The following PACRG variants were observed in gnomAD, a reference collection of about 807,000 sequenced individuals.
The protein encoded by PACRG is parkin coregulated gene protein.
In PACRG, 29 loss-of-function variants were observed where a neutral mutation model predicts 29.7. That is an observed-to-expected ratio of 0.98 (90% confidence interval 0.73 to 1.33). The LOEUF is 1.33. Among genes scored for constraint, PACRG ranks in the 40% most tolerant of loss-of-function variants. The pLI is 0.00. For missense variants in PACRG, 279 were observed against 316.2 expected, an observed-to-expected ratio of 0.88 and a Z score of 0.89; for synonymous variants, 116 against 118.7, an observed-to-expected ratio of 0.98 and a Z score of 0.15.
chr6:162,830,593 G>A (rs539660050), intron 2 of PACRG, among the ~76,000 whole-genome samples: 1 of 152,340 alleles, frequency 6.6e-6, no homozygotes, highest in Admixed American at 6.5e-5. Flanking sequence ...AAAACACTGG[G>A]ATAAGAAAGA....
At chr6:163,231,739 T>A (rs1007717746) in intron 4 of PACRG, among the ~76,000 whole-genome samples, 1 of 152,124 alleles carries the variant, frequency 6.6e-6, no homozygotes, top group Non-Finnish European at 1.5e-5. Context: ...CCCTTATCCA[T>A]GAGCTTGCAT....
At chr6:162,832,290 T>G (rs185299165) in intron 2 of PACRG, among the ~76,000 whole-genome samples, 1 of 152,328 alleles carries the variant, frequency 6.6e-6, no homozygotes, top group East Asian at 1.9e-4. Context: ...TTTTCATGTT[T>G]CTTGGCCACA....
intron 2 of PACRG, among the ~76,000 whole-genome samples, chr6:162,894,514 G>C (rs1795019599): frequency 1.3e-5 from 2 of 152,160 alleles, no homozygotes; most frequent in Admixed American, 1.3e-4. Context: ...GATGAAAAAA[G>C]GCAGTCAGGT....
intron 4 of PACRG, among the ~76,000 whole-genome samples, chr6:163,264,071 A>C (rs1319186123): frequency 2.0e-5 from 3 of 152,212 alleles, no homozygotes; most frequent in Non-Finnish European, 4.4e-5. Flanking sequence ...CAAGAGAAGG[A>C]AACTTGCCCC....
intron 4 of PACRG, among the ~76,000 whole-genome samples, chr6:163,186,492 G>C (rs945984332): frequency 1.3e-5 from 2 of 152,082 alleles, no homozygotes; most frequent in Non-Finnish European, 2.9e-5. Flanking sequence ...CTCAGCATGG[G>C]GCCAGTGTGG....
chr6:162,908,845 G>A (rs1033372348), intron 2 of PACRG, among the ~76,000 whole-genome samples: 2 of 152,110 alleles, frequency 1.3e-5, no homozygotes, highest in African/African-American at 4.8e-5. Flanking sequence ...AGGAAGCATG[G>A]CACCATTAGT....
chr6:162,939,600 T>C (rs1798472606), intron 2 of PACRG, among the ~76,000 whole-genome samples: 2 of 152,048 alleles, frequency 1.3e-5, no homozygotes, highest in South Asian at 4.1e-4. Flanking sequence ...TCATCTCTCC[T>C]ATCTTTTTTC....
At chr6:162,976,935 A>G (rs529517040) in intron 2 of PACRG, among the ~76,000 whole-genome samples, 13 of 152,266 alleles carry the variant, frequency 8.5e-5, no homozygotes, top group African/African-American at 3.1e-4. Context: ...TTTTCTTTAT[A>G]GTATTGATAA....
chr6:163,244,514 T>C (rs758751014), intron 4 of PACRG, among the ~76,000 whole-genome samples: 8 of 152,232 alleles, frequency 5.3e-5, no homozygotes, highest in Admixed American at 1.3e-4. Context: ...CACTGTGTTC[T>C]GTATTTTCGA....
At chr6:162,744,495 C>T (rs1023481005) in intron 1 of PACRG, among the ~76,000 whole-genome samples, 8 of 151,770 alleles carry the variant, frequency 5.3e-5, no homozygotes, top group Non-Finnish European at 8.8e-5. Flanking sequence ...CTTGGGAGGC[C>T]GAGGTTGGAG....
chr6:163,278,214 T>C (rs538981083), intron 4 of PACRG, among the ~76,000 whole-genome samples: 2 of 152,290 alleles, frequency 1.3e-5, no homozygotes, highest in South Asian at 4.1e-4. Flanking sequence ...TTTGTTTGAG[T>C]TCTTTGTAGA....
intron 2 of PACRG, among the ~76,000 whole-genome samples, chr6:162,968,511 T>C (rs1266557769): frequency 6.6e-6 from 1 of 152,184 alleles, no homozygotes; most frequent in Non-Finnish European, 1.5e-5. Context: ...GAAAGGCATA[T>C]GTTTTACTGT....
intron 2 of PACRG, among the ~76,000 whole-genome samples, chr6:162,973,601 G>C (rs1027251160): frequency 6.6e-6 from 1 of 152,050 alleles, no homozygotes; most frequent in Non-Finnish European, 1.5e-5. Flanking sequence ...CCTTCTACCA[G>C]TTTTTTCTCC....
chr6:163,234,447 A>G (rs979421044), intron 4 of PACRG, among the ~76,000 whole-genome samples: 1 of 152,188 alleles, frequency 6.6e-6, no homozygotes. Flanking sequence ...GTCTTCCACA[A>G]TAAATGGAAG....
intron 4 of PACRG, among the ~76,000 whole-genome samples, chr6:163,160,870 C>T (rs1778527827): frequency 1.3e-5 from 2 of 152,140 alleles, no homozygotes; most frequent in South Asian, 4.1e-4. Context: ...TTTCCTTTCC[C>T]CCTCAGCTAC....
intron 2 of PACRG, among the ~76,000 whole-genome samples, chr6:162,845,120 A>G (rs1226541611): frequency 2.6e-5 from 4 of 151,842 alleles, no homozygotes; most frequent in Admixed American, 6.5e-5. Flanking sequence ...CAGCCCAAAT[A>G]GCCACAATAG....
At chr6:163,247,280 G>A (rs186703173) in intron 4 of PACRG, among the ~76,000 whole-genome samples, 71 of 152,270 alleles carry the variant, frequency 4.7e-4, no homozygotes, top group Admixed American at 6.5e-4. Flanking sequence ...GCTCTAGCTA[G>A]AAACCCTCAA....
intron 4 of PACRG, among the ~76,000 whole-genome samples, chr6:163,222,551 G>A (rs1243508877): frequency 6.6e-6 from 1 of 152,218 alleles, no homozygotes; most frequent in Non-Finnish European, 1.5e-5. Flanking sequence ...CTGTACTGCA[G>A]CCTGGGTGAG....
At chr6:163,187,381 G>A (rs1008893695) in intron 4 of PACRG, among the ~76,000 whole-genome samples, 2 of 151,958 alleles carry the variant, frequency 1.3e-5, no homozygotes, top group South Asian at 2.1e-4. Context: ...TTCTGTGCTC[G>A]CCGCCCGCCT....
Sources: gnomAD v4.1 joint callset for allele counts (sites outside exome capture counted in the v4.1 genomes callset) on GRCh38, gnomAD v4.1.1 for gene constraint, MANE v1.5 for transcripts, NCBI Gene and HGNC (gene_info 2026-07-23, HGNC 2026-07-21) for gene names.